ARHGEF37: variants seen among roughly 807,000 people sequenced by gnomAD.
The protein encoded by ARHGEF37 is Rho guanine nucleotide exchange factor (GEF) 37.
In ARHGEF37, 55 loss-of-function variants were observed where a neutral mutation model predicts 71.1. That is an observed-to-expected ratio of 0.77 (90% CI 0.62 to 0.97). The LOEUF (loss-of-function observed/expected upper bound fraction) is 0.97, where lower values mean the gene tolerates loss of function less well. Among genes scored for constraint, ARHGEF37 ranks in the 50% least tolerant of loss-of-function variants. The pLI, the probability that ARHGEF37 is intolerant of heterozygous loss-of-function variation, is 0.00. For synonymous variants in ARHGEF37, 327 were observed against 350.6 expected, an observed-to-expected ratio of 0.93 and a Z score of 0.75; for missense variants, 765 against 836.8, an observed-to-expected ratio of 0.91 and a Z score of 1.06.
intron 1 of ARHGEF37, among the ~76,000 whole-genome samples, chr5:149,589,523 C>T (rs1172161188): frequency 1.3e-5 from 2 of 151,928 alleles, no homozygotes; most frequent in Non-Finnish European, 2.9e-5. Flanking sequence ...TTTTGAAACA[C>T]AGTTTCCCTC....
intron 4 of ARHGEF37, among the ~76,000 whole-genome samples, chr5:149,614,769 C>G (rs924213755): frequency 1.3e-5 from 2 of 152,160 alleles, no homozygotes; most frequent in African/African-American, 4.8e-5. Flanking sequence ...TGAGGGGCTC[C>G]CACCTGCTCT....
At chr5:149,571,950 A>C (rs1014841344) in intron 1 of ARHGEF37, among the ~76,000 whole-genome samples, 1 of 151,566 alleles carries the variant, frequency 6.6e-6, no homozygotes, top group African/African-American at 2.4e-5. Context: ...TGATTTTTAA[A>C]ATTATATGAA....
intron 12 of ARHGEF37, among the ~76,000 whole-genome samples, chr5:149,631,204 C>T (rs1752874960): frequency 6.9e-6 from 1 of 144,152 alleles, no homozygotes; most frequent in East Asian, 2.0e-4. Context: ...CGGGGTCTGG[C>T]TCTGTGGCCC....
At chr5:149,593,711 G>A (rs75689644) in intron 1 of ARHGEF37, among the ~76,000 whole-genome samples, 13 of 152,212 alleles carry the variant, frequency 8.5e-5, no homozygotes, top group African/African-American at 1.9e-4. Context: ...AAAAGAAAAC[G>A]TTATTTAAAA....
rs1195239539 is a variant in ARHGEF37, at chr5:149,621,825, C to T, written c.1098C>T (p.Asp366=). 3.7e-6 allele frequency: 6 copies of T among 1,614,122 alleles called. No individual in the cohort carries two copies. The highest frequency in any genetic ancestry group is 2.2e-5 in the East Asian group (1 of 44,902). ...GPQNLIKKRL[D]KLLDFERVEE... ...AGAACCTGATCAAGAAGCGTCTGGA[C>T]AAGCTACTGGACTTTGAGCGGGTGG... Residue 366 remains aspartate (D), a synonymous_variant, in exon 9 of 13, where the codon GAC becomes GAT. Transcript: ENST00000333677.
chr5:149,596,171 G>A lies in ARHGEF37; in HGVS notation c.-11-1588G>A, dbSNP rs535429670. On this transcript the variant is annotated intron_variant, in intron 1 of 12. Coordinates refer to ENST00000333677, the MANE Select transcript of ARHGEF37 (RefSeq NM_001001669.3). ...GTAGTTTTCAATTCCCTGTTTGAGG[G>A]CCCTAGTGATTTCTTTTCCTCCCTT... is the stretch of plus-strand genomic sequence containing the variant. Among the ~76,000 whole-genome samples, 4 of 152,226 alleles carry A rather than the reference G, an allele frequency of 2.6e-5. No individual in the cohort carries two copies. The East Asian group carries it at 7.7e-4, about 29-fold the overall frequency.
At chr5:149,605,791 G>C (rs2113332194) in intron 3 of ARHGEF37, among the ~76,000 whole-genome samples, 1 of 152,280 alleles carries the variant, frequency 6.6e-6, no homozygotes, top group East Asian at 1.9e-4. Context: ...GCTCAGAGAG[G>C]CTAAGTAACA....
At chr5:149,611,847 C>T (rs1752188115) in intron 4 of ARHGEF37, among the ~76,000 whole-genome samples, 1 of 152,084 alleles carries the variant, frequency 6.6e-6, no homozygotes, top group South Asian at 2.1e-4. Flanking sequence ...TAAGACATAT[C>T]CTGAAATATA....
upstream of ARHGEF37, among the ~76,000 whole-genome samples, chr5:149,577,886 A>G (rs1763043879): frequency 6.6e-6 from 1 of 152,268 alleles, no homozygotes; most frequent in Admixed American, 6.5e-5. Flanking sequence ...TCTGGAAAGA[A>G]GAATGAAGAG....
At position 149,588,133 on chromosome 5, in the gene ARHGEF37, G is replaced by A. The variant is rs185188400; in HGVS notation, c.-12+6509G>A. Among the ~76,000 whole-genome samples, 27 of 151,878 alleles carry A rather than the reference G, an allele frequency of 1.8e-4. No homozygotes were observed. The East Asian group carries it at 3.9e-3, about 22-fold the overall frequency. On this transcript the variant is annotated intron_variant, in intron 1 of 12. Transcript: ENST00000333677. The stretch of plus-strand genomic sequence containing the variant: ...AGGCTGGTCCTGAACTCCTGACCCC[G>A]TGATCTGCCCGCCTTGGCCTCCCAA...
At position 149,618,924 on chromosome 5, in the gene ARHGEF37, C is replaced by A. The variant is rs1580928892; in HGVS notation, c.790-14C>A. On this transcript the variant is annotated splice_polypyrimidine_tract_variant and intron_variant, in intron 6 of 12. Coordinates refer to ENST00000333677, the MANE Select transcript of ARHGEF37 (RefSeq NM_001001669.3). ...CATGTGGATATTCTCAACCCTCACA[C>A]ACATTACTTTCAGACAGAAGACAAG... The A allele has an allele frequency of 6.2e-7, 1 of 1,603,506 alleles. No homozygotes were observed. The highest frequency in any genetic ancestry group is 2.2e-5 in the East Asian group (1 of 44,820).
intron 12 of ARHGEF37, 22 bp from the exon 13 acceptor site, chr5:149,631,960 T>C: frequency 6.2e-7 from 1 of 1,611,638 alleles, no homozygotes; most frequent in Non-Finnish European, 8.5e-7. Flanking sequence ...ACCATTTCTG[T>C]GTCACTCCCC....
chr5:149,625,761 CCA>C lies in ARHGEF37; in HGVS notation c.1465-1298_1465-1297del, dbSNP rs140715807. Among the ~76,000 whole-genome samples the C allele has an allele frequency of 1.3e-4, 19 of 149,750 alleles. No homozygotes were observed. In the South Asian group the frequency reaches 2.1e-3, roughly 17 times the overall value. On this transcript the variant is annotated intron_variant, in intron 10 of 12. Transcript: ENST00000333677. ...CACCCCTTCCCACCCTCCCACCTCTCCACACACACACACACACAAACCTCCTG... is the reference window on the plus strand; with the variant it reads ...CACCCCTTCCCACCCTCCCACCTCTCCACACACACACACACAAACCTCCTG...
chr5:149,564,520 A>G (rs2113237414), intron 1 of ARHGEF37, among the ~76,000 whole-genome samples: 1 of 152,166 alleles, frequency 6.6e-6, no homozygotes, highest in Middle Eastern at 3.4e-3. Context: ...AGATTAAGGG[A>G]AGATATAAAA....
rs183567014 is a variant in ARHGEF37 at position 149,614,175 on chromosome 5, A to G, written c.459-2392A>G. ...TTGGGTTGTTTCCAATTATTTACTA[A>G]CTCAAATAGAGTCACTGAACAACTT... is the stretch of plus-strand genomic sequence containing the variant. On this transcript the variant is annotated intron_variant, in intron 4 of 12. Coordinates refer to ENST00000333677, the MANE Select transcript of ARHGEF37 (RefSeq NM_001001669.3). Among the ~76,000 whole-genome samples the G allele has an allele frequency of 3.3e-5, 5 of 151,934 alleles. No individual in the cohort carries two copies. The East Asian group carries it at 7.8e-4, about 24-fold the overall frequency.
At chr5:149,631,951 C>T (rs755574606) in intron 12 of ARHGEF37, 31 bp from the exon 13 acceptor site, 1 of 1,609,388 alleles carries the variant, frequency 6.2e-7, no homozygotes, top group Admixed American at 1.7e-5. Flanking sequence ...CTCACCCTGA[C>T]CATTTCTGTG....
At chr5:149,575,704 C>G (rs1763019990) in intron 1 of ARHGEF37, among the ~76,000 whole-genome samples, 1 of 111,300 alleles carries the variant, frequency 9.0e-6, no homozygotes, top group Non-Finnish European at 1.7e-5. Flanking sequence ...TTTTTGGAGA[C>G]AGGGTCTCAC....
chr5:149,619,415 G>T (rs1752471305), intron 7 of ARHGEF37, among the ~76,000 whole-genome samples: 1 of 152,206 alleles, frequency 6.6e-6, no homozygotes, highest in African/African-American at 2.4e-5. Context: ...TGCAATAGGA[G>T]CCTAGTGTCT....
At chr5:149,612,515 G>A (rs749576387) in intron 4 of ARHGEF37, among the ~76,000 whole-genome samples, 25 of 152,172 alleles carry the variant, frequency 1.6e-4, no homozygotes, top group Non-Finnish European at 2.8e-4. Flanking sequence ...AAATAACACC[G>A]TTGAAATTGG....
Sources: allele counts gnomAD v4.1 joint callset (sites outside exome capture counted in the v4.1 genomes callset), GRCh38; gene constraint gnomAD v4.1.1; transcripts MANE v1.5; gene names NCBI Gene and HGNC (gene_info 2026-07-23, HGNC 2026-07-21).